PCNX4: variants seen among roughly 807,000 people sequenced by gnomAD.
PCNX4 encodes pecanex 4.
PCNX4 carries 103 observed loss-of-function variants against 107.2 expected under a neutral mutation model. That is an observed-to-expected ratio of 0.96 (90% confidence interval 0.82 to 1.13). The LOEUF is 1.13. Ranked by LOEUF, PCNX4 falls within the 50% of genes most tolerant of loss-of-function variation. The probability of loss-of-function intolerance (pLI) is 0.00; values close to 1 mark genes in which losing one functional copy is unlikely to be tolerated. For missense variants in PCNX4, 1,528 were observed against 1,379.4 expected (o/e 1.11, Z -1.71); for synonymous variants, 541 against 481.7 (o/e 1.12, Z -1.61).
intron 10 of PCNX4, 45 bp downstream of exon 10, chr14:60,125,868 A>G: frequency 7.9e-7 from 1 of 1,270,326 alleles, no homozygotes; most frequent in Non-Finnish European, 1.1e-6. Flanking sequence ...AACCTTAAAG[A>G]ATGGATATAA....
chr14:60,117,453 A>C (rs545684216), intron 6 of PCNX4, among the ~76,000 whole-genome samples: 2 of 152,232 alleles, frequency 1.3e-5, no homozygotes, highest in African/African-American at 4.8e-5. Context: ...GTAGTAGGCT[A>C]TACCACCTAG....
intron 6 of PCNX4, among the ~76,000 whole-genome samples, chr14:60,117,734 T>A (rs1454385756): frequency 6.6e-6 from 1 of 152,212 alleles, no homozygotes; most frequent in African/African-American, 2.4e-5. Flanking sequence ...TCTTTCCTTG[T>A]GATATCATTG....
chr14:60,115,014 G>A lies in PCNX4; in HGVS notation c.910G>A (p.Ala304Thr), dbSNP rs1157103211. The change falls in exon 4 of 11, where the codon GCA becomes ACA. Residue 304 changes from alanine (A) to threonine (T), a missense_variant. By Grantham distance (58) the Ala-to-Thr change is moderately conservative. Transcript: ENST00000406854. ...MFIMSAGTAI[A>T]SYFIPSTVGV... ...CATCATGTCTGCTGGAACAGCTATA[G>A]CATCATATTTCATTCCAAGCACTGT... is the stretch of plus-strand genomic sequence containing the variant. 6.2e-7 allele frequency: 1 copy of A among 1,612,082 alleles called. No homozygotes were observed. Among genetic ancestry groups the A allele is most frequent in the Admixed American group, 1.7e-5 (1 of 59,930 alleles).
rs1282499110 is a variant in PCNX4, at chr14:60,114,793, G to T, written c.783G>T (p.Leu261=). 1 of 1,613,614 alleles carries T rather than the reference G, an allele frequency of 6.2e-7. No homozygotes were observed. The change falls in exon 3 of 11, where the codon CTG becomes CTT. Residue 261 remains leucine (L), a synonymous_variant. Transcript: ENST00000406854. ...FLPFLWALGT[L]PPPDALLLWA... is the part of the protein sequence containing the mutation. ...CCTTTCTGTGGGCACTTGGGACTCT[G>T]CCCCCACCCGATGCACTTCTCTTAT...
intron 2 of PCNX4, among the ~76,000 whole-genome samples, chr14:60,112,245 T>G (rs1298557307): frequency 6.6e-6 from 1 of 152,212 alleles, no homozygotes; most frequent in Non-Finnish European, 1.5e-5. Flanking sequence ...TTATATCATC[T>G]TAGCCACTGT....
intron 1 of PCNX4, among the ~76,000 whole-genome samples, chr14:60,100,231 CAA>C (rs201596952): frequency 6.1e-5 from 9 of 148,098 alleles, no homozygotes; most frequent in African/African-American, 2.2e-4. Flanking sequence ...AGCCAATTTA[CAA>C]AAAAAAAATA....
At position 60,138,232 on chromosome 14, in the gene PCNX4, T is replaced by C. The variant is rs1292833613; in HGVS notation, c.*4011T>C. On this transcript the variant is annotated 3_prime_UTR_variant, in exon 11 of 11. Transcript: ENST00000406854. ...CTAAGAGACAAAAGAATAGAAAATA[T>C]AGTAGAGAGTATAAGAGACATAGAG... 2.0e-5 allele frequency: 3 copies of C among 151,444 alleles called. No homozygotes were observed. The highest frequency in any genetic ancestry group is 4.9e-5 in the African/African-American group (2 of 41,162). 9.4% of individuals were successfully genotyped at this position (151,444 alleles called of 1,614,324 possible).
chr14:60,108,157 T>C lies in PCNX4; in HGVS notation c.519T>C (p.Thr173=), dbSNP rs73310127. ...ITLLYGSTGG[T]ALLFFFGWMT... Reference sequence around the variant, plus strand: ...TGCTGTATGGCAGTACAGGAGGCACTGCTCTACTATTCTTCTTTGGATGGA... The same window carrying C: ...TGCTGTATGGCAGTACAGGAGGCACCGCTCTACTATTCTTCTTTGGATGGA... Residue 173 remains threonine (T), a synonymous_variant, in exon 2 of 11, where the codon ACT becomes ACC. Transcript: ENST00000406854. The C allele has an allele frequency of 5.0e-4, 805 of 1,612,930 alleles. 5 individuals carry two copies. In the African/African-American group the frequency reaches 9.9e-3, roughly 20 times the overall value.
rs111840428 is a variant in PCNX4, at chr14:60,140,601, TACACACAC to T, written c.*6391_*6398del. ...ATACTAGCAAACTAAACTACACACATACACACACACACACACACCCCTACACACACAGA... is the reference window on the plus strand; with the variant it reads ...ATACTAGCAAACTAAACTACACACATACACACACACCCCTACACACACAGA... On this transcript the variant is annotated 3_prime_UTR_variant, in exon 11 of 11. Transcript: ENST00000406854. The surrounding 1 kb of genome is among the most constrained non-coding windows in gnomAD (Gnocchi z 4.2). 6.7e-6 allele frequency: 1 copy of T among 149,520 alleles called. No homozygotes were observed. Among genetic ancestry groups the T allele is most frequent in the African/African-American group, 2.4e-5 (1 of 40,838 alleles). 9.3% of individuals were successfully genotyped at this position (149,520 alleles called of 1,614,324 possible). A position where few individuals can be genotyped will look rare whatever the true frequency, so the allele number is the denominator to read the frequency against.
chr14:60,110,583 G>A (rs971188618), intron 2 of PCNX4: 2 of 167,046 alleles, frequency 1.2e-5, no homozygotes, highest in South Asian at 4.1e-4. Context: ...GAGTGGGGAT[G>A]TCTCTTCTAT....
At position 60,124,589 on chromosome 14, in the gene PCNX4, C is replaced by T. The variant is rs769562556; in HGVS notation, c.2418C>T (p.Ser806=). Residue 806 remains serine, a synonymous_variant, in exon 9 of 11, where the codon TCC becomes TCT. Coordinates refer to ENST00000406854, the MANE Select transcript of PCNX4 (RefSeq NM_001330177.2). ...TGAACACTTTGCCACCTCCCAAATC[C>T]CCAGAAGACATAGACAGTTTAAATT... ...PALNTLPPPK[S]PEDIDSLNSE... 3 of 1,613,736 alleles carry T rather than the reference C, an allele frequency of 1.9e-6. No homozygotes were observed. Among genetic ancestry groups the T allele is most frequent in the Non-Finnish European group, 8.5e-7 (1 of 1,179,764 alleles).
chr14:60,118,200 G>A, intron 6 of PCNX4, 129 bp from the exon 7 acceptor site: 3 of 1,271,654 alleles, frequency 2.4e-6, no homozygotes, highest in South Asian at 4.6e-5. Flanking sequence ...AAAAATCAAA[G>A]AATAAGATTT....
chr14:60,114,854 G>GGCTCAT lies in PCNX4; in HGVS notation c.845_850dup (p.Ser283_Ser284insCysSer). ...GCAGGTTTTAGAGTTCGGCCTTGGAGGCTCATCTATGTCAACCCACTTACG... is the reference window on the plus strand; with the variant it reads ...GCAGGTTTTAGAGTTCGGCCTTGGAGGCTCATGCTCATCTATGTCAACCCACTTACG... On this transcript the variant is annotated inframe_insertion, in exon 3 of 11. Transcript: ENST00000406854. The GGCTCAT allele has an allele frequency of 2.5e-6, 4 of 1,612,818 alleles. No homozygotes were observed. The highest frequency in any genetic ancestry group is 2.5e-6 in the Non-Finnish European group (3 of 1,179,422).
rs1896248344 is a variant in PCNX4, at chr14:60,137,013, A to C, written c.*2792A>C. ...AATTTTCCCTAAAACCTACTTTTCTACTTCTAACTTTTAGTGGTGCATTCA... is the reference window on the plus strand; with the variant it reads ...AATTTTCCCTAAAACCTACTTTTCTCCTTCTAACTTTTAGTGGTGCATTCA... On this transcript the variant is annotated 3_prime_UTR_variant, in exon 11 of 11. Transcript: ENST00000406854. 6.6e-6 allele frequency: 1 copy of C among 152,286 alleles called. No homozygotes were observed. Among genetic ancestry groups the C allele is most frequent in the Non-Finnish European group, 1.5e-5 (1 of 68,044 alleles). 9.4% of individuals were successfully genotyped at this position (152,286 alleles called of 1,614,324 possible). A position where few individuals can be genotyped will look rare whatever the true frequency, so the allele number is the denominator to read the frequency against.
At position 60,124,850 on chromosome 14, in the gene PCNX4, C is replaced by G. The variant is rs967774045; in HGVS notation, c.2679C>G (p.Asp893Glu). The G allele has an allele frequency of 3.1e-6, 5 of 1,613,802 alleles. No individual in the cohort carries two copies. Among genetic ancestry groups the G allele is most frequent in the Non-Finnish European group, 3.4e-6 (4 of 1,179,780 alleles). ...YPAVDKGKQE[D>E]MPYIPLMEFS... ...CTGTTGACAAAGGAAAACAAGAGGACATGCCATATATTCCTCTCATGGAGT... is the reference window on the plus strand; with the variant it reads ...CTGTTGACAAAGGAAAACAAGAGGAGATGCCATATATTCCTCTCATGGAGT... The change falls in exon 9 of 11, where the codon GAC becomes GAG. Residue 893 changes from aspartate (D) to glutamate (E), a missense_variant. By Grantham distance (45) the Asp-to-Glu change is conservative (BLOSUM62 2). Transcript: ENST00000406854.
intron 9 of PCNX4, 40 bp downstream of exon 9, chr14:60,125,291 GA>G: frequency 7.0e-7 from 1 of 1,433,780 alleles, no homozygotes; most frequent in Admixed American, 3.0e-5. Context: ...AACATTGTTG[GA>G]AAAATACTGA....
chr14:60,105,333 G>A (rs1469726935), intron 1 of PCNX4, among the ~76,000 whole-genome samples: 1 of 152,212 alleles, frequency 6.6e-6, no homozygotes. Context: ...AAAGGAGAGA[G>A]CATGAGCTCA....
In PCNX4 at chr14:60,134,296, G is replaced by A; in HGVS notation, c.*75G>A. The A allele has an allele frequency of 7.2e-6, 11 of 1,535,406 alleles. No individual in the cohort carries two copies. The highest frequency in any genetic ancestry group is 7.0e-5 in the Admixed American group (4 of 57,076). On this transcript the variant is annotated 3_prime_UTR_variant, in exon 11 of 11. Transcript: ENST00000406854. ...TCCTAAAAAAGTAACTGTGATTCTT[G>A]TAACTTGAGGACTTCTCCACACCCC... is the stretch of plus-strand genomic sequence containing the variant.
Position 60,141,380 on chromosome 14 carries a change from C to T in PCNX4, c.*7159C>T, listed in dbSNP as rs1896304313. 1.3e-5 allele frequency: 2 copies of T among 152,006 alleles called. No homozygotes were observed. Among genetic ancestry groups the T allele is most frequent in the Non-Finnish European group, 2.9e-5 (2 of 67,988 alleles). 9.4% of individuals were successfully genotyped at this position (152,006 alleles called of 1,614,324 possible). On this transcript the variant is annotated 3_prime_UTR_variant, in exon 11 of 11. Transcript: ENST00000406854. ...AAAAACAATCAAGAAAATCCATAAACCTGTAGAAAGACTGACAAAAAGAAA... is the reference window on the plus strand; with the variant it reads ...AAAAACAATCAAGAAAATCCATAAATCTGTAGAAAGACTGACAAAAAGAAA...
Sources: gnomAD v4.1 joint callset for allele counts (sites outside exome capture counted in the v4.1 genomes callset) on GRCh38, gnomAD v4.1.1 for gene constraint, Gnocchi (gnomAD v3.1) non-coding constraint, MANE v1.5 for transcripts, NCBI Gene and HGNC (gene_info 2026-07-23, HGNC 2026-07-21) for gene names.